The following FOXJ3 variants were observed in gnomAD, a reference collection of about 807,000 sequenced individuals.
FOXJ3 encodes the protein forkhead box J3, also known as forkhead box protein J3.
Under a neutral mutation model 76.1 loss-of-function variants are expected in FOXJ3, and 22 were observed. The ratio of observed to expected loss-of-function variants is 0.29; its 90% CI spans 0.21 to 0.41. FOXJ3 has a LOEUF of 0.41. Ranked by LOEUF, FOXJ3 falls within the 10% of genes least tolerant of loss-of-function variation. The pLI, the probability that FOXJ3 is intolerant of heterozygous loss-of-function variation, is 1.00. For synonymous variants in FOXJ3, 269 were observed against 261.2 expected, an observed-to-expected ratio of 1.03 and a Z score of -0.29; for missense variants, 613 against 762.1, an observed-to-expected ratio of 0.80 and a Z score of 2.30.
intron 4 of FOXJ3, among the ~76,000 whole-genome samples, chr1:42,235,812 C>G (rs1648580670): frequency 6.6e-6 from 1 of 152,122 alleles, no homozygotes; most frequent in South Asian, 2.1e-4. Context: ...ATCTGCCTCC[C>G]AAGTGCTGGC....
In FOXJ3 at chr1:42,188,834, A is replaced by G. The variant is rs1646487707; in HGVS notation, c.1548T>C (p.Phe516=). Residue 516 remains phenylalanine, a synonymous_variant, in exon 11 of 13, where the codon TTT becomes TTC. Coordinates refer to ENST00000361346, the MANE Select transcript of FOXJ3 (RefSeq NM_014947.5). ...ADLCSSLNQF[F]TQTGLIHSQS... ...GTGAATGTATAAGGCCAGTTTGTGTAAAGAACTGATTAAGAGAAGAACAAA... is the reference window on the plus strand; with the variant it reads ...GTGAATGTATAAGGCCAGTTTGTGTGAAGAACTGATTAAGAGAAGAACAAA... 1.9e-6 allele frequency: 3 copies of G among 1,613,286 alleles called. No individual in the cohort carries two copies. Among genetic ancestry groups the G allele is most frequent in the Non-Finnish European group, 2.5e-6 (3 of 1,179,288 alleles).
Position 42,189,599 on chromosome 1 carries a change from T to A in FOXJ3, c.1352-195A>T. 3 of 464,634 alleles carry A rather than the reference T, an allele frequency of 6.5e-6. No individual in the cohort carries two copies. The East Asian group carries it at 1.2e-4, about 18-fold the overall frequency. The allele number at this position is 464,634 out of a possible 1,614,324, so 28.8% of individuals were successfully genotyped here. ...CAGAAAGGTATTATTTCTCTCCATT[T>A]TACAAATAAAAGAAACTGAACCAGA... On this transcript the variant is annotated intron_variant, in intron 9 of 12. Coordinates refer to ENST00000361346, the MANE Select transcript of FOXJ3 (RefSeq NM_014947.5).
intron 4 of FOXJ3, among the ~76,000 whole-genome samples, chr1:42,228,636 CAAG>C (rs1284077603): frequency 6.8e-6 from 1 of 146,644 alleles, no homozygotes; most frequent in African/African-American, 2.5e-5. Context: ...ATTATACAAA[CAAG>C]AAGAGCAAAA....
At chr1:42,274,026 T>G (rs1652068218) in intron 3 of FOXJ3, among the ~76,000 whole-genome samples, 1 of 152,110 alleles carries the variant, frequency 6.6e-6, no homozygotes, top group Non-Finnish European at 1.5e-5. Flanking sequence ...GGCACTTAGG[T>G]TTACAATCAA....
At chr1:42,294,004 C>A (rs996024728) in intron 2 of FOXJ3, among the ~76,000 whole-genome samples, 1 of 152,104 alleles carries the variant, frequency 6.6e-6, no homozygotes, top group African/African-American at 2.4e-5. Flanking sequence ...TTTGTGGACT[C>A]TTGAACACTA....
At position 42,332,285 on chromosome 1, in the gene FOXJ3, C is replaced by T. The variant is rs140613835; in HGVS notation, c.-18+2774G>A. 1.6e-3 allele frequency among the ~76,000 whole-genome samples: 247 copies of T among 152,298 alleles called. 1 individual carries two copies. The highest frequency in any genetic ancestry group is 6.8e-3 in the Middle Eastern group (2 of 294). On this transcript the variant is annotated intron_variant, in intron 1 of 12. Coordinates refer to ENST00000361346, the MANE Select transcript of FOXJ3 (RefSeq NM_014947.5). ...TGATGTGTTTTACTAGCATCTATAT[C>T]CCTGGTCAGTGCAAAATCTACCTTT...
chr1:42,309,987 A>G (rs1404323746), intron 2 of FOXJ3, among the ~76,000 whole-genome samples: 1 of 152,242 alleles, frequency 6.6e-6, no homozygotes, highest in African/African-American at 2.4e-5. Context: ...TACTTTTTAC[A>G]TTTCTCATGT....
At chr1:42,184,178 G>C (rs484225) in intron 11 of FOXJ3, among the ~76,000 whole-genome samples, 2 of 151,842 alleles carry the variant, frequency 1.3e-5, no homozygotes, top group African/African-American at 4.9e-5. Flanking sequence ...CAGAGTAATA[G>C]GGTCACTCAT....
chr1:42,244,868 G>A (rs1237202207), intron 4 of FOXJ3, among the ~76,000 whole-genome samples: 1 of 152,104 alleles, frequency 6.6e-6, no homozygotes, highest in Non-Finnish European at 1.5e-5. Context: ...CCAGTAACAA[G>A]CAATAAGATT....
chr1:42,177,696 C>T lies in FOXJ3; in HGVS notation c.*2014G>A, dbSNP rs183407108. ...ATAAAGCTCTTCCTTTCTCCCCAACCTCACCAGCCCTTACCATGGCTGGCT... is the reference window on the plus strand; with the variant it reads ...ATAAAGCTCTTCCTTTCTCCCCAACTTCACCAGCCCTTACCATGGCTGGCT... On this transcript the variant is annotated 3_prime_UTR_variant, in exon 13 of 13. Coordinates refer to ENST00000361346, the MANE Select transcript of FOXJ3 (RefSeq NM_014947.5). The T allele has an allele frequency of 6.5e-6, 1 of 152,696 alleles. No homozygotes were observed. Among genetic ancestry groups the T allele is most frequent in the Non-Finnish European group, 1.5e-5 (1 of 68,054 alleles). The allele number at this position is 152,696 out of a possible 1,614,324, so 9.5% of individuals were successfully genotyped here.
chr1:42,250,239 T>C (rs1452664716), intron 4 of FOXJ3, among the ~76,000 whole-genome samples: 5 of 152,186 alleles, frequency 3.3e-5, no homozygotes, highest in African/African-American at 4.8e-5. Flanking sequence ...CTCTTCTAAT[T>C]ATTTTGTTTT....
intron 3 of FOXJ3, among the ~76,000 whole-genome samples, chr1:42,267,318 G>A (rs2124636280): frequency 6.6e-6 from 1 of 151,910 alleles, no homozygotes; most frequent in East Asian, 1.9e-4. Flanking sequence ...CTAAAGAGAT[G>A]AAAAAACAAA....
intron 2 of FOXJ3, among the ~76,000 whole-genome samples, chr1:42,288,381 C>T (rs1653198035): frequency 6.6e-6 from 1 of 152,218 alleles, no homozygotes; most frequent in African/African-American, 2.4e-5. Context: ...GTTATCCTGA[C>T]CTCTGTTTGC....
chr1:42,235,000 G>A (rs907717769), intron 4 of FOXJ3, among the ~76,000 whole-genome samples: 6 of 152,236 alleles, frequency 3.9e-5, no homozygotes, highest in African/African-American at 1.4e-4. Context: ...TGCCCCCAGA[G>A]GTGGAGTCTA....
At chr1:42,264,228 A>C (rs1651300203) in intron 4 of FOXJ3, among the ~76,000 whole-genome samples, 1 of 152,114 alleles carries the variant, frequency 6.6e-6, no homozygotes, top group Non-Finnish European at 1.5e-5. Flanking sequence ...GCATGTTTGG[A>C]AAACTTCAAG....
chr1:42,198,194 C>A (rs1279554073), intron 7 of FOXJ3, among the ~76,000 whole-genome samples: 1 of 152,124 alleles, frequency 6.6e-6, no homozygotes, highest in East Asian at 1.9e-4. Flanking sequence ...TTATTGTCTT[C>A]TTTTACATAA....
intron 4 of FOXJ3, among the ~76,000 whole-genome samples, chr1:42,259,162 T>C (rs1046184390): frequency 1.3e-5 from 2 of 152,188 alleles, no homozygotes; most frequent in Admixed American, 6.5e-5. Flanking sequence ...CCATGTACTA[T>C]ATGAGTCCCA....
intron 2 of FOXJ3, among the ~76,000 whole-genome samples, chr1:42,281,541 A>T (rs1008894507): frequency 4.5e-4 from 68 of 152,238 alleles, no homozygotes; most frequent in African/African-American, 1.6e-3. Context: ...CACAAGAGCA[A>T]ATTTTAAGTA....
chr1:42,264,661 G>A (rs949492715), intron 4 of FOXJ3, among the ~76,000 whole-genome samples: 5 of 152,054 alleles, frequency 3.3e-5, no homozygotes, highest in African/African-American at 1.2e-4. Flanking sequence ...CGCTAAAAAC[G>A]TGAAAAATGC....
Sources: allele counts gnomAD v4.1 joint callset (sites outside exome capture counted in the v4.1 genomes callset), GRCh38; gene constraint gnomAD v4.1.1; transcripts MANE v1.5; gene names NCBI Gene and HGNC (gene_info 2026-07-23, HGNC 2026-07-21).